Variants in PCDHGA1 observed in about 807,000 individuals in gnomAD.
The protein encoded by PCDHGA1 is protocadherin gamma-A1.
Under a neutral mutation model 58.0 loss-of-function variants are expected in PCDHGA1, and 32 were observed. The observed-to-expected ratio is 0.55, with a 90% CI of 0.42 to 0.74. The LOEUF (loss-of-function observed/expected upper bound fraction) is 0.74. PCDHGA1 is among the 30% of genes least tolerant of loss of function. The pLI, the probability that PCDHGA1 is intolerant of heterozygous loss-of-function variation, is 0.00. For missense variants in PCDHGA1, 1,205 were observed against 1,182.3 expected, an observed-to-expected ratio of 1.02 and a Z score of -0.28; for synonymous variants, 498 against 501.1, an observed-to-expected ratio of 0.99 and a Z score of 0.08.
At chr5:141,381,826 CTT>C (rs770630741) in intron 1 of PCDHGA1, among the ~76,000 whole-genome samples, 2,382 of 74,222 alleles carry the variant, frequency 0.032, 21 homozygotes, top group African/African-American at 0.07. Context: ...CTTTCTTCTT[CTT>C]TTTTTTTTTT....
chr5:141,357,757 G>A (rs932647509), intron 1 of PCDHGA1: 33 of 1,061,794 alleles, frequency 3.1e-5, no homozygotes, highest in Non-Finnish European at 4.0e-5. Flanking sequence ...AAAACTGGTG[G>A]ATGACCTTCC....
chr5:141,474,289 T>C (rs11956411), intron 1 of PCDHGA1, among the ~76,000 whole-genome samples: 31,178 of 152,120 alleles, frequency 0.2, 3,304 homozygotes, highest in Admixed American at 0.31. Context: ...ACCCACTAGA[T>C]CAGTGCTTGT....
intron 1 of PCDHGA1, among the ~76,000 whole-genome samples, chr5:141,482,072 C>G (rs1010432509): frequency 1.5e-5 from 2 of 133,436 alleles, no homozygotes; most frequent in African/African-American, 5.9e-5. Flanking sequence ...GCAACAAGAA[C>G]AAAACTCACT....
intron 1 of PCDHGA1, chr5:141,395,373 G>A (rs2150613921): frequency 1.7e-6 from 2 of 1,189,412 alleles, no homozygotes; most frequent in African/African-American, 3.1e-5. Context: ...TATTTTGGTG[G>A]TGTTACTATA....
At chr5:141,389,793 C>G in intron 1 of PCDHGA1, 1 of 1,613,570 alleles carries the variant, frequency 6.2e-7, no homozygotes, top group Non-Finnish European at 8.5e-7. Flanking sequence ...GGACGCCGTC[C>G]GCCAGCGCCT....
chr5:141,435,929 G>A (rs926025053), intron 1 of PCDHGA1, among the ~76,000 whole-genome samples: 10 of 152,134 alleles, frequency 6.6e-5, no homozygotes, highest in African/African-American at 2.4e-4. Flanking sequence ...TGCGGCAGTT[G>A]CTGCTTCTGA....
intron 1 of PCDHGA1, chr5:141,333,576 T>A (rs1211359109): frequency 2.1e-5 from 4 of 188,586 alleles, no homozygotes; most frequent in Admixed American, 1.1e-4. Context: ...TTGGGGACAT[T>A]TGAAGAGGTG....
chr5:141,393,892 C>A lies in PCDHGA1; in HGVS notation c.2421+60787C>A, dbSNP rs775134910. The A allele has an allele frequency of 1.2e-5, 19 of 1,613,856 alleles. No homozygotes were observed. Among genetic ancestry groups the A allele is most frequent in the Admixed American group, 6.7e-5 (4 of 60,000 alleles). ...TTGTTTAGCCCAGTGTTAGAAAATT[C>A]TCTTCCCGGGACAGTAATTGCCTTC... On this transcript the variant is annotated intron_variant, in intron 1 of 3. Transcript: ENST00000517417.
chr5:141,473,798 T>C lies in PCDHGA1; in HGVS notation c.2422-21009T>C, dbSNP rs1202883137. 2.6e-5 allele frequency among the ~76,000 whole-genome samples: 4 copies of C among 152,350 alleles called. 1 individual carries two copies. The highest frequency in any genetic ancestry group is 6.8e-3 in the Middle Eastern group (2 of 294). On this transcript the variant is annotated intron_variant, in intron 1 of 3. Transcript: ENST00000517417. ...TTTTAATTCAAGAGCAGTATGATGCTACTGAGGAGCAGCTGGACAATTGTG... is the reference window on the plus strand; with the variant it reads ...TTTTAATTCAAGAGCAGTATGATGCCACTGAGGAGCAGCTGGACAATTGTG...
intron 1 of PCDHGA1, chr5:141,371,701 A>C: frequency 6.2e-7 from 1 of 1,614,064 alleles, no homozygotes; most frequent in Non-Finnish European, 8.5e-7. Flanking sequence ...TCCTCCAGCA[A>C]GACCATCACT....
intron 2 of PCDHGA1, among the ~76,000 whole-genome samples, chr5:141,495,623 C>T (rs990126072): frequency 3.3e-5 from 5 of 152,208 alleles, no homozygotes; most frequent in South Asian, 2.1e-4. Context: ...GCACCTCAGC[C>T]TCAGTCCCTT....
intron 1 of PCDHGA1, chr5:141,340,047 ACT>A (rs779035773): frequency 8.1e-6 from 13 of 1,613,946 alleles, no homozygotes; most frequent in Non-Finnish European, 1.7e-6. Context: ...GTTTCTGAAG[ACT>A]CTCTTCCAGG....
chr5:141,374,648 C>T, intron 1 of PCDHGA1: 5 of 1,612,462 alleles, frequency 3.1e-6, no homozygotes, highest in Non-Finnish European at 4.2e-6. Flanking sequence ...AGCCCATGGG[C>T]CCAAGTACCC....
At chr5:141,341,300 G>A (rs1757043118) in intron 1 of PCDHGA1, 1 of 1,614,114 alleles carries the variant, frequency 6.2e-7, no homozygotes, top group Admixed American at 1.7e-5. Context: ...CAACTATGCG[G>A]ACACGCTCAT....
At chr5:141,371,550 C>T in intron 1 of PCDHGA1, 1 of 1,613,828 alleles carries the variant, frequency 6.2e-7, no homozygotes, top group South Asian at 1.1e-5. Context: ...CCTATGCCAA[C>T]TAAAAGGAAA....
At chr5:141,434,080 A>G (rs775751994) in intron 1 of PCDHGA1, among the ~76,000 whole-genome samples, 2 of 152,042 alleles carry the variant, frequency 1.3e-5, no homozygotes, top group Non-Finnish European at 2.9e-5. Flanking sequence ...TCAATTATTT[A>G]TTTTGATGCT....
At chr5:141,333,247 G>A in intron 1 of PCDHGA1, 142 bp downstream of exon 1, 1 of 1,224,856 alleles carries the variant, frequency 8.2e-7, no homozygotes, top group Non-Finnish European at 1.1e-6. Flanking sequence ...GCAAAATCAC[G>A]ATTGAGTCTA....
At chr5:141,377,605 C>CAAAA (rs71576112) in intron 1 of PCDHGA1, 1 of 140,670 alleles carries the variant, frequency 7.1e-6, no homozygotes. Flanking sequence ...CTCTCTCTCT[C>CAAAA]AAAAAAAAAA....
Position 141,355,516 on chromosome 5 carries a change from C to T in PCDHGA1, c.2421+22411C>T, listed in dbSNP as rs201107501. On this transcript the variant is annotated intron_variant, in intron 1 of 3. Coordinates refer to ENST00000517417, the MANE Select transcript of PCDHGA1 (RefSeq NM_018912.3). ...CAGATCTCCAAACTGTGTGACAAAC[C>T]TGGAGATTCTTCTAGAAGATACAGT... 1.3e-3 allele frequency: 2,116 copies of T among 1,614,044 alleles called. 6 individuals are homozygous for T. The highest frequency in any genetic ancestry group is 2.2e-3 in the South Asian group (197 of 91,082).
Sources: gnomAD v4.1 joint callset for allele counts (sites outside exome capture counted in the v4.1 genomes callset) on GRCh38, gnomAD v4.1.1 for gene constraint, MANE v1.5 for transcripts, NCBI Gene and HGNC (gene_info 2026-07-23, HGNC 2026-07-21) for gene names.